The following DGKB variants were observed in gnomAD, a reference collection of about 807,000 sequenced individuals.
DGKB encodes 90 kDa diacylglycerol kinase.
A neutral mutation model predicts 114.3 loss-of-function variants in DGKB; 67 were observed. The ratio of observed to expected loss-of-function variants is 0.59; its 90% CI spans 0.48 to 0.72. The LOEUF (loss-of-function observed/expected upper bound fraction) is 0.72. DGKB is among the 30% of genes least tolerant of loss of function. DGKB has a pLI of 0.00. For synonymous variants in DGKB, 398 were observed against 323.1 expected, an observed-to-expected ratio of 1.23 and a Z score of -2.49; for missense variants, 907 against 975.2, an observed-to-expected ratio of 0.93 and a Z score of 0.93.
chr7:14,308,675 G>A (rs1367348517), intron 23 of DGKB, among the ~76,000 whole-genome samples: 1 of 152,168 alleles, frequency 6.6e-6, no homozygotes, highest in Non-Finnish European at 1.5e-5. Context: ...TATGAAGGTA[G>A]ATAAAAGGGA....
chr7:14,312,924 G>C (rs1311093344), intron 23 of DGKB, among the ~76,000 whole-genome samples: 2 of 152,162 alleles, frequency 1.3e-5, no homozygotes, highest in South Asian at 2.1e-4. Context: ...ATAATAATCT[G>C]TGTCAATATT....
chr7:14,340,254 GT>G (rs1420075613), intron 22 of DGKB, among the ~76,000 whole-genome samples: 2 of 144,054 alleles, frequency 1.4e-5, no homozygotes, highest in Non-Finnish European at 3.0e-5. Context: ...AAGAATTCTG[GT>G]CATGTGTATA....
intron 21 of DGKB, among the ~76,000 whole-genome samples, chr7:14,455,083 C>A (rs1025842787): frequency 9.2e-5 from 14 of 151,972 alleles, no homozygotes; most frequent in East Asian, 1.9e-4. Flanking sequence ...TTGAACTTCC[C>A]AACCATCAAT....
intron 1 of DGKB, among the ~76,000 whole-genome samples, chr7:14,863,166 T>C (rs1255588811): frequency 6.6e-6 from 1 of 151,688 alleles, no homozygotes; most frequent in African/African-American, 2.4e-5. Context: ...ATTTTAGAGA[T>C]GTTGTGAAAC....
chr7:14,376,009 C>T (rs953536008), intron 21 of DGKB, among the ~76,000 whole-genome samples: 2 of 152,154 alleles, frequency 1.3e-5, no homozygotes, highest in African/African-American at 4.8e-5. Flanking sequence ...TTTCTAGAAA[C>T]AAGAATACTG....
intron 2 of DGKB, among the ~76,000 whole-genome samples, chr7:14,826,769 T>C (rs1223255203): frequency 6.6e-6 from 1 of 152,176 alleles, no homozygotes; most frequent in Non-Finnish European, 1.5e-5. Context: ...CTATGGAGAC[T>C]AAATGTGTTA....
chr7:14,364,008 C>T (rs1563022314), intron 21 of DGKB, among the ~76,000 whole-genome samples: 1 of 151,912 alleles, frequency 6.6e-6, no homozygotes, highest in Non-Finnish European at 1.5e-5. Context: ...CCAGGCAAAT[C>T]AACAAGTTTC....
upstream of DGKB, among the ~76,000 whole-genome samples, chr7:14,906,458 T>C (rs1391036500): frequency 1.4e-5 from 2 of 142,962 alleles, no homozygotes; most frequent in Non-Finnish European, 3.1e-5. Flanking sequence ...TTTTTTTTTT[T>C]TTTTTTTTTT....
intron 25 of DGKB, among the ~76,000 whole-genome samples, chr7:14,173,167 A>G (rs1404082262): frequency 6.6e-6 from 1 of 152,236 alleles, no homozygotes; most frequent in Non-Finnish European, 1.5e-5. Context: ...TGATGGCTTT[A>G]CAGTGACAGA....
At chr7:14,585,432 T>C (rs1168862519) in intron 17 of DGKB, among the ~76,000 whole-genome samples, 1 of 150,126 alleles carries the variant, frequency 6.7e-6, no homozygotes, top group Non-Finnish European at 1.5e-5. Flanking sequence ...CATGTGTCTT[T>C]CTACTTTTCC....
At chr7:14,692,858 G>A (rs886367570) in intron 9 of DGKB, among the ~76,000 whole-genome samples, 2 of 151,870 alleles carry the variant, frequency 1.3e-5, no homozygotes, top group Non-Finnish European at 2.9e-5. Context: ...AGGTAAAAAA[G>A]AAAACAAATA....
intron 1 of DGKB, among the ~76,000 whole-genome samples, chr7:14,901,678 C>T (rs1783104542): frequency 7.1e-6 from 1 of 141,554 alleles, no homozygotes. Context: ...GGTTAGGTAC[C>T]CCAACATTTT....
At chr7:14,421,586 T>G (rs970253075) in intron 21 of DGKB, among the ~76,000 whole-genome samples, 1 of 152,140 alleles carries the variant, frequency 6.6e-6, no homozygotes, top group Non-Finnish European at 1.5e-5. Flanking sequence ...CTAGAAGTTT[T>G]GATTTTAAGA....
intron 13 of DGKB, among the ~76,000 whole-genome samples, chr7:14,653,332 A>G (rs1283087026): frequency 6.6e-6 from 1 of 152,148 alleles, no homozygotes; most frequent in Non-Finnish European, 1.5e-5. Context: ...GCCATAAAAA[A>G]TGATGAGTTC....
intron 20 of DGKB, among the ~76,000 whole-genome samples, chr7:14,489,352 T>A (rs189112344): frequency 1.5e-3 from 233 of 152,322 alleles, no homozygotes; most frequent in African/African-American, 5.4e-3. Flanking sequence ...GTAAATTAGA[T>A]ATTTAACTCT....
intron 9 of DGKB, among the ~76,000 whole-genome samples, chr7:14,689,467 G>A (rs1420550997): frequency 6.6e-6 from 1 of 152,034 alleles, no homozygotes; most frequent in Non-Finnish European, 1.5e-5. Context: ...CACCGCGCCC[G>A]GCCGAAACTT....
chr7:14,589,902 T>C (rs1584989981), intron 17 of DGKB, among the ~76,000 whole-genome samples: 1 of 151,630 alleles, frequency 6.6e-6, no homozygotes, highest in African/African-American at 2.4e-5. Flanking sequence ...TACCGCCTCA[T>C]AAAATATGTT....
At chr7:14,284,808 C>G (rs1800578369) in intron 23 of DGKB, among the ~76,000 whole-genome samples, 2 of 143,010 alleles carry the variant, frequency 1.4e-5, no homozygotes, top group South Asian at 4.4e-4. Context: ...GGGAATTGAA[C>G]AATGAGATTG....
intron 23 of DGKB, among the ~76,000 whole-genome samples, chr7:14,213,085 T>C (rs1788395362): frequency 6.6e-6 from 1 of 152,102 alleles, no homozygotes; most frequent in East Asian, 1.9e-4. Flanking sequence ...ATTTGAAATA[T>C]ATCAGTTTTG....
Sources: allele counts gnomAD v4.1 joint callset (sites outside exome capture counted in the v4.1 genomes callset), GRCh38; gene constraint gnomAD v4.1.1; transcripts MANE v1.5; gene names NCBI Gene and HGNC (gene_info 2026-07-23, HGNC 2026-07-21).